Variants in CEP57L1 observed in about 807,000 individuals in gnomAD.
CEP57L1 encodes the protein centrosomal protein CEP57L1.
In CEP57L1, 37 loss-of-function variants were observed where a neutral mutation model predicts 61.0. That is an observed-to-expected ratio of 0.61 (90% CI 0.47 to 0.80). The LOEUF (loss-of-function observed/expected upper bound fraction) is 0.80, where lower values mean the gene tolerates loss of function less well. Among genes scored for constraint, CEP57L1 ranks in the 30% least tolerant of loss-of-function variants. The pLI is 0.00. For missense variants in CEP57L1, 422 were observed against 524.7 expected (o/e 0.80, Z 1.91); for synonymous variants, 137 against 162.3 (o/e 0.84, Z 1.19).
intron 6 of CEP57L1, 139 bp downstream of exon 6, chr6:109,155,446 C>T (rs1773121673): frequency 2.0e-6 from 1 of 503,120 alleles, no homozygotes; most frequent in South Asian, 4.8e-5. Context: ...ATGAAATTCT[C>T]AGTCAGCCAG....
At chr6:109,151,395 TTAAC>T (rs1460772805) in intron 4 of CEP57L1, among the ~76,000 whole-genome samples, 2 of 152,212 alleles carry the variant, frequency 1.3e-5, no homozygotes, top group Non-Finnish European at 1.5e-5. Flanking sequence ...ATGTGTATTC[TTAAC>T]TAACCACAGT....
chr6:109,171,059 G>C lies in CEP57L1; in HGVS notation c.*8089G>C, dbSNP rs1411945127. ...GTATTACATTCTTGATTCTCTCAAG[G>C]TATGATTTAAATGGTGGACACTTAA... is the stretch of plus-strand genomic sequence containing the variant. On this transcript the variant is annotated 3_prime_UTR_variant, in exon 11 of 11. Transcript: ENST00000517392. 1.3e-5 allele frequency among the ~76,000 whole-genome samples: 2 copies of C among 151,974 alleles called. No homozygotes were observed. Among genetic ancestry groups the C allele is most frequent in the Non-Finnish European group, 2.9e-5 (2 of 68,010 alleles).
At position 109,163,573 on chromosome 6, in the gene CEP57L1, A is replaced by G. The variant is rs1318210990; in HGVS notation, c.*603A>G. 2.0e-5 allele frequency: 3 copies of G among 152,168 alleles called. No homozygotes were observed. The allele number at this position is 152,168 out of a possible 1,614,324, so 9.4% of individuals were successfully genotyped here. A position where few individuals can be genotyped will look rare whatever the true frequency, so the allele number is the denominator to read the frequency against. On this transcript the variant is annotated 3_prime_UTR_variant, in exon 11 of 11. Coordinates refer to ENST00000517392, the MANE Select transcript of CEP57L1 (RefSeq NM_001271852.3). ...TCAGTTGCAGAAGCTTTCCTCTGCT[A>G]TTCCCATTCTCTTTTACAAAACTAG...
chr6:109,116,111 T>TG (rs1415119112), intron 1 of CEP57L1, among the ~76,000 whole-genome samples: 36 of 148,978 alleles, frequency 2.4e-4, no homozygotes, highest in African/African-American at 8.9e-4. Context: ...TTTTATTTTA[T>TG]TTTATGTTAT....
intron 1 of CEP57L1, among the ~76,000 whole-genome samples, chr6:109,136,170 G>C (rs1770650921): frequency 6.6e-6 from 1 of 152,176 alleles, no homozygotes; most frequent in Non-Finnish European, 1.5e-5. Flanking sequence ...CAACCCAAAT[G>C]TCCCTCAGTG....
At chr6:109,100,612 T>C (rs1264963009) in intron 1 of CEP57L1, among the ~76,000 whole-genome samples, 1 of 146,004 alleles carries the variant, frequency 6.8e-6, no homozygotes, top group Non-Finnish European at 1.5e-5. Context: ...GAGGCAGAGG[T>C]TGCAGTGAGC....
chr6:109,162,824 C>T lies in CEP57L1; in HGVS notation c.1237C>T (p.Pro413Ser). Residue 413 changes from proline to serine, a missense_variant, in exon 11 of 11, where the codon CCT (proline) becomes TCT (serine). Transcript: ENST00000517392. ...AGGTATTCAGCAAGAAGACAGCTAC[C>T]CTAAAGGATCAAAGAACATAAAAAA... ...ASGIQQEDSY[P>S]KGSKNIKNSP... is the part of the protein sequence containing the mutation. 4 of 1,612,870 alleles carry T rather than the reference C, an allele frequency of 2.5e-6. No individual in the cohort carries two copies. Among genetic ancestry groups the T allele is most frequent in the Non-Finnish European group, 2.5e-6 (3 of 1,179,460 alleles).
At chr6:109,129,376 C>G in intron 1 of CEP57L1, 1 of 1,221,554 alleles carries the variant, frequency 8.2e-7, no homozygotes, top group Non-Finnish European at 1.1e-6. Context: ...GATCAGTCTT[C>G]CAGCTTCCAG....
rs1185805183 is a variant in CEP57L1, at chr6:109,155,293, G to A, written c.643G>A (p.Asp215Asn). ...EEEHQRKLFQ[D>N]KASELQTGLE... ...AGAACATCAGCGTAAGCTATTTCAA[G>A]ACAAAGCTTCTGAGGTAAATATAGC... Residue 215 changes from aspartate (D) to asparagine (N), a missense_variant, in exon 6 of 11, where the codon GAC becomes AAC. Coordinates refer to ENST00000517392, the MANE Select transcript of CEP57L1 (RefSeq NM_001271852.3). 1 of 1,580,842 alleles carries A rather than the reference G, an allele frequency of 6.3e-7. No homozygotes were observed. The highest frequency in any genetic ancestry group is 8.6e-7 in the Non-Finnish European group (1 of 1,159,616).
At chr6:109,122,099 G>C (rs1017378137) in intron 1 of CEP57L1, among the ~76,000 whole-genome samples, 2 of 152,158 alleles carry the variant, frequency 1.3e-5, no homozygotes, top group Non-Finnish European at 2.9e-5. Context: ...CTTCAGAAAG[G>C]ATTTGCATTT....
chr6:109,140,060 T>A (rs1771177233), intron 1 of CEP57L1, among the ~76,000 whole-genome samples: 1 of 152,180 alleles, frequency 6.6e-6, no homozygotes, highest in Admixed American at 6.5e-5. Flanking sequence ...TGGATATAAC[T>A]GCTTTTCATT....
At chr6:109,155,055 T>A (rs1222023347) in intron 5 of CEP57L1, among the ~76,000 whole-genome samples, 175 bp from the exon 6 acceptor site, 1 of 152,078 alleles carries the variant, frequency 6.6e-6, no homozygotes, top group Non-Finnish European at 1.5e-5. Flanking sequence ...AAGAAAGAAG[T>A]GGGAAGAAAG....
At chr6:109,115,187 T>C (rs1436263873) in intron 1 of CEP57L1, among the ~76,000 whole-genome samples, 1 of 151,834 alleles carries the variant, frequency 6.6e-6, no homozygotes. Context: ...AAGTTAGGGG[T>C]AGTAGTGGAT....
chr6:109,112,220 C>T lies in CEP57L1; in HGVS notation c.-4+16645C>T, dbSNP rs144546538. Among the ~76,000 whole-genome samples the T allele has an allele frequency of 8.3e-3, 1,265 of 152,014 alleles. 24 individuals are homozygous for T. The highest frequency in any genetic ancestry group is 0.029 in the African/African-American group (1,214 of 41,480). On this transcript the variant is annotated intron_variant, in intron 1 of 10. Transcript: ENST00000517392. ...TTCAGAACCTGTTATTGGTCTATTC[C>T]GGGATTCGACTTCTTCCTGGTTTAG...
chr6:109,148,331 A>G (rs1327734150), intron 3 of CEP57L1, among the ~76,000 whole-genome samples: 1 of 148,106 alleles, frequency 6.8e-6, no homozygotes, highest in African/African-American at 2.5e-5. Flanking sequence ...ATGTGTTCTC[A>G]TTGTTCAATT....
intron 7 of CEP57L1, chr6:109,157,204 G>A (rs576104736): frequency 6.6e-6 from 1 of 152,122 alleles, no homozygotes; most frequent in Non-Finnish European, 1.5e-5. Context: ...AGTTCACGGG[G>A]TATGCAAATA....
chr6:109,120,630 T>C (rs1772840798), intron 1 of CEP57L1, among the ~76,000 whole-genome samples: 1 of 151,734 alleles, frequency 6.6e-6, no homozygotes, highest in Non-Finnish European at 1.5e-5. Context: ...AATGGGATTA[T>C]GGGCTACTCT....
At chr6:109,148,198 A>G (rs1772175686) in intron 3 of CEP57L1, among the ~76,000 whole-genome samples, 1 of 152,018 alleles carries the variant, frequency 6.6e-6, no homozygotes, top group East Asian at 1.9e-4. Flanking sequence ...TACATGTGCC[A>G]TGCTGGTGTG....
intron 1 of CEP57L1, 24 bp from the exon 2 acceptor site, chr6:109,145,195 A>G (rs1268105405): frequency 4.8e-6 from 7 of 1,450,400 alleles, no homozygotes; most frequent in South Asian, 1.4e-5. Context: ...GCATGATACT[A>G]TATCATTCCT....
Sources: allele counts gnomAD v4.1 joint callset (sites outside exome capture counted in the v4.1 genomes callset), GRCh38; gene constraint gnomAD v4.1.1; transcripts MANE v1.5; gene names NCBI Gene and HGNC (gene_info 2026-07-23, HGNC 2026-07-21).